The following CDH26 variants were observed in gnomAD, a reference collection of about 807,000 sequenced individuals.
CDH26 encodes the protein cadherin 26, also known as cadherin-like protein 26.
In CDH26, 83 loss-of-function variants were observed where a neutral mutation model predicts 90.3. The ratio of observed to expected loss-of-function variants is 0.92; its 90% CI spans 0.77 to 1.10. The LOEUF is 1.10. CDH26 is among the 50% of genes least tolerant of loss of function. The pLI, the probability that CDH26 is intolerant of heterozygous loss-of-function variation, is 0.00. For missense variants in CDH26, 1,013 were observed against 1,037.6 expected, an observed-to-expected ratio of 0.98 and a Z score of 0.33; for synonymous variants, 397 against 396.3, an observed-to-expected ratio of 1.00 and a Z score of -0.02.
intron 1 of CDH26, among the ~76,000 whole-genome samples, chr20:59,962,818 A>T (rs114344883): frequency 2.0e-3 from 312 of 152,282 alleles, no homozygotes; most frequent in African/African-American, 6.9e-3. Flanking sequence ...GAACTTGGAC[A>T]TGGGGATGAG....
intron 17 of CDH26, among the ~76,000 whole-genome samples, chr20:60,008,974 C>T (rs1234298598): frequency 1.3e-5 from 2 of 152,214 alleles, no homozygotes; most frequent in East Asian, 1.9e-4. Flanking sequence ...CAGGTCCTGA[C>T]TGCTGGTGAG....
chr20:59,980,949 G>T (rs1365003049), intron 4 of CDH26, among the ~76,000 whole-genome samples: 1 of 151,818 alleles, frequency 6.6e-6, no homozygotes, highest in Non-Finnish European at 1.5e-5. Flanking sequence ...ATAGACCCAG[G>T]TTTATTTTTT....
chr20:59,970,317 A>G, intron 3 of CDH26, 131 bp downstream of exon 3: 1 of 1,280,814 alleles, frequency 7.8e-7, no homozygotes, highest in Non-Finnish European at 1.0e-6. Context: ...CAGAAGGAGC[A>G]CTGGCCTGGG....
chr20:59,974,178 G>C (rs1445170423), intron 4 of CDH26, among the ~76,000 whole-genome samples: 1 of 151,924 alleles, frequency 6.6e-6, no homozygotes, highest in Non-Finnish European at 1.5e-5. Context: ...ATGCTTACTG[G>C]CCACAAGTAT....
chr20:59,968,014 CCTT>C (rs2061197095), intron 1 of CDH26, among the ~76,000 whole-genome samples: 2 of 60,554 alleles, frequency 3.3e-5, no homozygotes, highest in African/African-American at 1.4e-4. Flanking sequence ...TTTCTTTCTT[CCTT>C]TCTCTCTGTC....
chr20:59,960,056 G>T (rs960479233), intron 1 of CDH26, among the ~76,000 whole-genome samples: 2 of 152,174 alleles, frequency 1.3e-5, no homozygotes, highest in African/African-American at 4.8e-5. Flanking sequence ...GGGCTGCTTG[G>T]CGTCCTGACC....
At chr20:59,963,891 A>G (rs907796024) in intron 1 of CDH26, among the ~76,000 whole-genome samples, 1 of 151,996 alleles carries the variant, frequency 6.6e-6, no homozygotes, top group Non-Finnish European at 1.5e-5. Context: ...TCACTGTCCA[A>G]TTTCATTATC....
intron 7 of CDH26, among the ~76,000 whole-genome samples, chr20:60,020,228 T>G (rs570666911): frequency 1.3e-5 from 2 of 152,306 alleles, no homozygotes; most frequent in African/African-American, 4.8e-5. Context: ...GGGCTATTTC[T>G]CAGGCCTGGG....
intron 8 of CDH26, among the ~76,000 whole-genome samples, chr20:60,032,175 G>A (rs2062044633): frequency 6.6e-6 from 1 of 152,198 alleles, no homozygotes; most frequent in Non-Finnish European, 1.5e-5. Context: ...AATTAATGCT[G>A]GCAGCTGAAA....
intron 14 of CDH26, among the ~76,000 whole-genome samples, chr20:60,001,061 G>A (rs551269094): frequency 6.3e-4 from 96 of 152,266 alleles, no homozygotes; most frequent in Middle Eastern, 3.4e-3. Flanking sequence ...GCGTGTCTAT[G>A]CAGTTTTCAG....
exon 9 of CDH26, chr20:60,033,707 G>A: frequency 7.8e-7 from 1 of 1,281,004 alleles, no homozygotes; most frequent in Non-Finnish European, 1.0e-6. Flanking sequence ...GCATGGGCCT[G>A]CTGTTGGCGG....
chr20:60,024,130 C>T (rs1372581327), intron 7 of CDH26, among the ~76,000 whole-genome samples: 1 of 152,208 alleles, frequency 6.6e-6, no homozygotes, highest in African/African-American at 2.4e-5. Context: ...AAGAAACCAG[C>T]AGTTTGGTCT....
rs561783526 is a variant in CDH26 at position 59,995,104 on chromosome 20, A to G, written c.1666+615A>G. Among the ~76,000 whole-genome samples the G allele has an allele frequency of 2.0e-5, 3 of 152,254 alleles. No individual in the cohort carries two copies. In the South Asian group the frequency reaches 6.2e-4, roughly 32 times the overall value. The stretch of plus-strand genomic sequence containing the variant: ...GGTTTCAGCTGAAACTGTGTGCTCA[A>G]GTTTGTAGTTCTCAGACCTGGAGTG... On this transcript the variant is annotated intron_variant, in intron 11 of 17. Coordinates refer to ENST00000348616, the MANE Select transcript of CDH26 (RefSeq NM_177980.4).
At chr20:60,020,382 T>C (rs1246732512) in intron 7 of CDH26, among the ~76,000 whole-genome samples, 1 of 152,168 alleles carries the variant, frequency 6.6e-6, no homozygotes, top group East Asian at 1.9e-4. Flanking sequence ...CAGGGACCTC[T>C]CCCACTTGGG....
intron 1 of CDH26, among the ~76,000 whole-genome samples, chr20:59,962,504 G>A (rs927175003): frequency 6.6e-6 from 1 of 152,124 alleles, no homozygotes; most frequent in Admixed American, 6.6e-5. Flanking sequence ...ATCCCTTTGT[G>A]TCTGTGTTTT....
rs758921188 is a variant in CDH26 at position 59,988,892 on chromosome 20, C to CT, written c.1024-11dup. 4 of 1,612,110 alleles carry CT rather than the reference C, an allele frequency of 2.5e-6. No homozygotes were observed. Among genetic ancestry groups the CT allele is most frequent in the Admixed American group, 1.7e-5 (1 of 59,992 alleles). On this transcript the variant is annotated splice_polypyrimidine_tract_variant and intron_variant, in intron 8 of 17. Coordinates refer to ENST00000348616, the MANE Select transcript of CDH26 (RefSeq NM_177980.4). Reference sequence around the variant, plus strand: ...AGCAGGTGCTAATGAAATCCTCTCTCTGGGGTTCCAGCCTTTGGATTATGA... The same window carrying CT: ...AGCAGGTGCTAATGAAATCCTCTCTCTTGGGGTTCCAGCCTTTGGATTATGA...
chr20:60,000,952 A>G lies in CDH26; in HGVS notation c.2098-391A>G, dbSNP rs6027230. Among the ~76,000 whole-genome samples, 1,026 of 152,314 alleles carry G rather than the reference A, an allele frequency of 6.7e-3. 11 individuals are homozygous for G. The highest frequency in any genetic ancestry group is 0.023 in the African/African-American group (959 of 41,570). On this transcript the variant is annotated intron_variant, in intron 14 of 17. Coordinates refer to ENST00000348616, the MANE Select transcript of CDH26 (RefSeq NM_177980.4). ...AATATAACTTCATTATTGAAGCGTC[A>G]CTATTAAAATAACAGAAACCCAAGG...
In CDH26 at chr20:59,996,625, T is replaced by C; in HGVS notation, c.1889-6T>C. ...TAATCTGTTTTTCCCCTTTGTCTTATAACAGTGGCTCTGCTTTTTCTGTTG... is the reference window on the plus strand; with the variant it reads ...TAATCTGTTTTTCCCCTTTGTCTTACAACAGTGGCTCTGCTTTTTCTGTTG... On this transcript the variant is annotated splice_region_variant and splice_polypyrimidine_tract_variant and intron_variant, in intron 12 of 17. Coordinates refer to ENST00000348616, the MANE Select transcript of CDH26 (RefSeq NM_177980.4). 1 of 1,614,256 alleles carries C rather than the reference T, an allele frequency of 6.2e-7. No homozygotes were observed. Among genetic ancestry groups the C allele is most frequent in the Non-Finnish European group, 8.5e-7 (1 of 1,180,050 alleles).
chr20:60,023,874 T>C (rs899320568), intron 7 of CDH26, among the ~76,000 whole-genome samples: 1 of 152,196 alleles, frequency 6.6e-6, no homozygotes, highest in African/African-American at 2.4e-5. Flanking sequence ...TGGAACCTTG[T>C]GTCAAAAGTC....
Sources: gnomAD v4.1 joint callset for allele counts (sites outside exome capture counted in the v4.1 genomes callset) on GRCh38, gnomAD v4.1.1 for gene constraint, MANE v1.5 for transcripts, NCBI Gene and HGNC (gene_info 2026-07-23, HGNC 2026-07-21) for gene names.